Variants in KRI1 observed in about 807,000 individuals in gnomAD.
KRI1 encodes the protein protein KRI1 homolog.
Under a neutral mutation model 97.0 loss-of-function variants are expected in KRI1, and 83 were observed. The ratio of observed to expected loss-of-function variants is 0.86; its 90% CI spans 0.72 to 1.03. The LOEUF (loss-of-function observed/expected upper bound fraction) is 1.03, where lower values mean the gene tolerates loss of function less well. KRI1 is among the 50% of genes least tolerant of loss of function. The probability of loss-of-function intolerance (pLI) is 0.00; values close to 1 mark genes in which losing one functional copy is unlikely to be tolerated. For missense variants in KRI1, 916 were observed against 928.4 expected, an observed-to-expected ratio of 0.99 and a Z score of 0.17; for synonymous variants, 371 against 363.5, an observed-to-expected ratio of 1.02 and a Z score of -0.23.
At position 10,561,805 on chromosome 19, in the gene KRI1, TG is replaced by T. The variant is rs773736063; in HGVS notation, c.423del (p.Asn142IlefsTer65). Reference protein sequence around the residue: ...VDEENSDGETSNHRLQETSSQ... With the variant: ...VDEENSDGETXNHRLQETSSQ... ...ACCCCACCCACCTGGAGTCTGTGAT[TG>T]GAAGTCTCCCCGTCTGAGTTCTCCT... On this transcript the variant is annotated frameshift_variant, in exon 5 of 19. Transcript: ENST00000312962. LOFTEE classifies it high-confidence loss of function. 3 of 1,614,030 alleles carry T rather than the reference TG, an allele frequency of 1.9e-6. No individual in the cohort carries two copies. Among genetic ancestry groups the T allele is most frequent in the Non-Finnish European group, 2.5e-6 (3 of 1,179,958 alleles).
Position 10,559,645 on chromosome 19 carries a change from TC to T in KRI1, c.990del (p.Lys331ArgfsTer23). 6.2e-7 allele frequency: 1 copy of T among 1,613,812 alleles called. No individual in the cohort carries two copies. Among genetic ancestry groups the T allele is most frequent in the Non-Finnish European group, 8.5e-7 (1 of 1,179,946 alleles). On this transcript the variant is annotated frameshift_variant, in exon 11 of 19. Transcript: ENST00000312962. LOFTEE classifies it high-confidence loss of function. ...SVRRKDERRK[E>X]KREETRERKK... ...TTTCGCTCCCGAGTCTCTTCCCTCT[TC>T]TCCTTTCTGCGCTCATCCTTACGGC...
At chr19:10,555,239 G>GCCCTGCCCGCAGCGCACCTGGCTCCA (rs780685407) in intron 17 of KRI1, 46 bp downstream of exon 17, 86 of 1,612,974 alleles carry the variant, frequency 5.3e-5, no homozygotes, top group South Asian at 4.7e-4. Context: ...GAGGCTGCCC[G>GCCCTGCCCGCAGCGCACCTGGCTCCA]CCCTGCCCCC....
intron 2 of KRI1, 62 bp from the exon 3 acceptor site, chr19:10,565,096 A>C: frequency 2.7e-6 from 3 of 1,091,764 alleles, no homozygotes; most frequent in Non-Finnish European, 2.8e-6. Context: ...CCCTGGCGCC[A>C]GCAGGTGAGC....
rs1568420732 is a variant in KRI1, at chr19:10,555,269, C to CCCCCTGCGCATGTG, written c.1682+15_1682+16insCACATGCGCAGGGG. ...GCCCCCTGCGCATGTGGCCCCGCCGCGCCCCGCCCCATCACCTGTACATGC... is the reference window on the plus strand; with the variant it reads ...GCCCCCTGCGCATGTGGCCCCGCCGCCCCCTGCGCATGTGGCCCCGCCCCATCACCTGTACATGC... On this transcript the variant is annotated intron_variant, in intron 17 of 18. Transcript: ENST00000312962. The CCCCCTGCGCATGTG allele has an allele frequency of 2.2e-5, 20 of 904,706 alleles. No individual in the cohort carries two copies. Among genetic ancestry groups the CCCCCTGCGCATGTG allele is most frequent in the Admixed American group, 4.8e-5 (1 of 20,898 alleles). 56.0% of individuals were successfully genotyped at this position (904,706 alleles called of 1,614,324 possible).
At position 10,555,150 on chromosome 19, in the gene KRI1, T is replaced by C; in HGVS notation, c.1718A>G (p.Tyr573Cys). 1 of 1,612,762 alleles carries C rather than the reference T, an allele frequency of 6.2e-7. No individual in the cohort carries two copies. Among genetic ancestry groups the C allele is most frequent in the Non-Finnish European group, 8.5e-7 (1 of 1,179,528 alleles). ...EQEELRDKRAYSQKAQNSWKK... is the reference protein window; with the variant it reads ...EQEELRDKRACSQKAQNSWKK... ...CCATGAGTTCTGGGCCTTCTGGCTGTACGCCCGCTTGTCCCGCAGCTCCTC... is the reference window on the plus strand; with the variant it reads ...CCATGAGTTCTGGGCCTTCTGGCTGCACGCCCGCTTGTCCCGCAGCTCCTC... The change falls in exon 18 of 19, where the codon TAC becomes TGC. Residue 573 changes from tyrosine (Y) to cysteine (C), a missense_variant. Transcript: ENST00000312962.
intron 18 of KRI1, 91 bp downstream of exon 18, chr19:10,554,996 A>C (rs925183377): frequency 1.9e-6 from 2 of 1,070,382 alleles, no homozygotes; most frequent in African/African-American, 3.1e-5. Flanking sequence ...CTGCATTCCC[A>C]AAGTCATGCA....
chr19:10,565,945 G>T lies in KRI1; in HGVS notation c.55C>A (p.Arg19=). Residue 19 remains arginine, a synonymous_variant, in exon 1 of 19, where the codon CGG becomes AGG. Coordinates refer to ENST00000312962, the MANE Select transcript of KRI1 (RefSeq NM_023008.5). The part of the protein sequence containing the change: ...QLRVNAAFAA[R]YNRYREREEL... ...TCGCGCTCCCGGTAGCGGTTGTACC[G>T]CGCGGCAAACGCCGCGTTCACCCGC... 1 of 1,530,474 alleles carries T rather than the reference G, an allele frequency of 6.5e-7. No homozygotes were observed. The highest frequency in any genetic ancestry group is 1.2e-5 in the South Asian group (1 of 82,714). 94.8% of individuals were successfully genotyped at this position (1,530,474 alleles called of 1,614,324 possible). A position where few individuals can be genotyped will look rare whatever the true frequency, so the allele number is the denominator to read the frequency against.
intron 7 of KRI1, 34 bp from the exon 8 acceptor site, chr19:10,561,114 GC>G (rs1568423383): frequency 1.2e-6 from 2 of 1,612,200 alleles, no homozygotes; most frequent in Admixed American, 1.7e-5. Flanking sequence ...ATCCGCAGAT[GC>G]CCAGCCACCC....
intron 16 of KRI1, among the ~76,000 whole-genome samples, chr19:10,556,920 T>C (rs570593020): frequency 9.9e-5 from 15 of 151,880 alleles, no homozygotes; most frequent in African/African-American, 3.1e-4. Flanking sequence ...GGAGGATCAA[T>C]TGAGCCCAGG....
intron 2 of KRI1, 38 bp from the exon 3 acceptor site, chr19:10,565,072 G>A (rs746222771): frequency 5.1e-6 from 7 of 1,383,094 alleles, no homozygotes; most frequent in Non-Finnish European, 7.2e-6. Flanking sequence ...ATTTCAGAAG[G>A]GAGATAATAA....
intron 9 of KRI1, 103 bp from the exon 10 acceptor site, chr19:10,560,039 A>C: frequency 7.1e-7 from 1 of 1,401,882 alleles, no homozygotes; most frequent in Non-Finnish European, 9.6e-7. Flanking sequence ...TTTAATCCTC[A>C]CAAGAACCCT....
At chr19:10,565,541 G>T in intron 2 of KRI1, 176 bp downstream of exon 2, 1 of 761,996 alleles carries the variant, frequency 1.3e-6, no homozygotes, top group Non-Finnish European at 2.0e-6. Flanking sequence ...ACGGGGATTT[G>T]GCTCCCCTGG....
chr19:10,562,942 C>T, intron 3 of KRI1, 105 bp from the exon 4 acceptor site: 1 of 716,662 alleles, frequency 1.4e-6, no homozygotes, highest in East Asian at 2.5e-5. Context: ...ATTCAAATCC[C>T]AAATCCACCA....
rs1457373600 is a variant in KRI1, at chr19:10,557,851, G to A, written c.1404C>T (p.Arg468=). ...YDPSQPRKKK[R]EAPLTGKKKR... is the part of the protein sequence containing the mutation. The stretch of plus-strand genomic sequence containing the variant: ...TCTTCTTGCCCGTCAAGGGGGCCTC[G>A]CGCTTTTTCTTCCTCGGCTGGCTGG... The change falls in exon 15 of 19, where the codon CGC becomes CGT. Residue 468 remains arginine (R), a synonymous_variant. Transcript: ENST00000312962. The A allele has an allele frequency of 2.5e-6, 4 of 1,613,482 alleles. No homozygotes were observed. Among genetic ancestry groups the A allele is most frequent in the East Asian group, 2.2e-5 (1 of 44,894 alleles).
In KRI1 at chr19:10,559,829, T is replaced by A. The variant is rs762436676; in HGVS notation, c.908A>T (p.Glu303Val). 6.2e-7 allele frequency: 1 copy of A among 1,613,934 alleles called. No homozygotes were observed. Among genetic ancestry groups the A allele is most frequent in the South Asian group, 1.1e-5 (1 of 91,088 alleles). The change falls in exon 10 of 19, where the codon GAG becomes GTG. Residue 303 changes from glutamate (E) to valine (V), a missense_variant. Physicochemically the swap from Glu to Val is moderately radical, Grantham distance 121. Coordinates refer to ENST00000312962, the MANE Select transcript of KRI1 (RefSeq NM_023008.5). The part of the protein sequence containing the change: ...DFEQKYNFRF[E>V]EPDSASVKTY... ...ACACACCGATGCTGAGTCCGGCTCC[T>A]CGAAACGGAAATTGTACTTCTGTTC...
rs1916551218 is a variant in KRI1 at position 10,557,775 on chromosome 19, C to T, written c.1480G>A (p.Glu494Lys). The T allele has an allele frequency of 6.2e-7, 1 of 1,613,438 alleles. No homozygotes were observed. The highest frequency in any genetic ancestry group is 8.5e-7 in the Non-Finnish European group (1 of 1,179,752). Reference sequence around the variant, plus strand: ...CTGCCCACCTGGGCCTCACCGGGTTCAAACACGGGCTTCTCCTGCCCCACG... The same window carrying T: ...CTGCCCACCTGGGCCTCACCGGGTTTAAACACGGGCTTCTCCTGCCCCACG... ...AAVGQEKPVF[E>K]PGDKTFEEYL... Residue 494 changes from glutamate to lysine, a missense_variant, in exon 15 of 19, where the codon GAA (glutamate) becomes AAA (lysine). Physicochemically the swap from Glu to Lys is moderately conservative, Grantham distance 56. Coordinates refer to ENST00000312962, the MANE Select transcript of KRI1 (RefSeq NM_023008.5).
Position 10,565,989 on chromosome 19 carries a change from G to C in KRI1, c.11C>G (p.Pro4Arg), listed in dbSNP as rs762518757. The change falls in exon 1 of 19, where the codon CCG (proline) becomes CGG (arginine). Residue 4 changes from proline to arginine, a missense_variant. By Grantham distance (103) the Pro-to-Arg change is moderately radical. Coordinates refer to ENST00000312962, the MANE Select transcript of KRI1 (RefSeq NM_023008.5). Reference protein sequence around the residue: MPEPRGSSQLRVNA... With the variant: MPERRGSSQLRVNA... Reference sequence around the variant, plus strand: ...CACCCGCAGCTGCGACGACCCGCGCGGTTCCGGCATGGCGGTTCTGTGGCC... The same window carrying C: ...CACCCGCAGCTGCGACGACCCGCGCCGTTCCGGCATGGCGGTTCTGTGGCC... 2 of 1,522,038 alleles carry C rather than the reference G, an allele frequency of 1.3e-6. No homozygotes were observed. Among genetic ancestry groups the C allele is most frequent in the East Asian group, 2.6e-5 (1 of 38,826 alleles). 94.3% of individuals were successfully genotyped at this position (1,522,038 alleles called of 1,614,324 possible).
chr19:10,564,508 T>TC (rs1481972378), intron 3 of KRI1, among the ~76,000 whole-genome samples: 1 of 149,966 alleles, frequency 6.7e-6, no homozygotes, highest in Non-Finnish European at 1.5e-5. Context: ...GCCAAACTGG[T>TC]CTCAAACTCC....
Position 10,555,145 on chromosome 19 carries a change from G to T in KRI1, c.1723C>A (p.Gln575Lys), listed in dbSNP as rs767933842. ...EELRDKRAYS[Q>K]KAQNSWKKRQ... is the part of the protein sequence containing the mutation. Reference sequence around the variant, plus strand: ...TTTTTCCATGAGTTCTGGGCCTTCTGGCTGTACGCCCGCTTGTCCCGCAGC... The same window carrying T: ...TTTTTCCATGAGTTCTGGGCCTTCTTGCTGTACGCCCGCTTGTCCCGCAGC... Residue 575 changes from glutamine to lysine, a missense_variant, in exon 18 of 19, where the codon CAG (glutamine) becomes AAG (lysine). Gln to Lys is a moderately conservative substitution (Grantham distance 53). Transcript: ENST00000312962. The T allele has an allele frequency of 7.4e-6, 12 of 1,612,444 alleles. No individual in the cohort carries two copies. The South Asian group carries it at 1.3e-4, about 18-fold the overall frequency.
Sources: gnomAD v4.1 joint callset for allele counts (sites outside exome capture counted in the v4.1 genomes callset) on GRCh38, gnomAD v4.1.1 for gene constraint, MANE v1.5 for transcripts, NCBI Gene and HGNC (gene_info 2026-07-23, HGNC 2026-07-21) for gene names.